The following FBP1 variants were observed in gnomAD, a reference collection of about 807,000 sequenced individuals.
FBP1 encodes fructose-bisphosphatase 1, also known as fructose-1,6-bisphosphatase 1.
FBP1 carries 22 observed loss-of-function variants against 29.9 expected under a neutral mutation model. The ratio of observed to expected loss-of-function variants is 0.74; its 90% CI spans 0.53 to 1.05. FBP1 has a LOEUF of 1.05. Ranked by LOEUF, FBP1 falls within the 50% of genes least tolerant of loss-of-function variation. The pLI is 0.00. For missense variants in FBP1, 345 were observed against 448.2 expected, an observed-to-expected ratio of 0.77 and a Z score of 2.08; for synonymous variants, 175 against 178.6, an observed-to-expected ratio of 0.98 and a Z score of 0.16.
intron 6 of FBP1, chr9:94,603,938 C>T (rs1226058100): frequency 2.9e-6 from 1 of 343,080 alleles, no homozygotes; most frequent in East Asian, 7.3e-5. Context: ...TTGGATGGAG[C>T]TTCGCCTATT....
intron 3 of FBP1, among the ~76,000 whole-genome samples, chr9:94,611,207 A>T (rs1827779775): frequency 6.6e-6 from 1 of 152,188 alleles, no homozygotes; most frequent in Non-Finnish European, 1.5e-5. Flanking sequence ...GGTCATCAAG[A>T]CAGCCCCAAA....
chr9:94,625,712 G>A (rs963444678), intron 1 of FBP1, among the ~76,000 whole-genome samples: 2 of 152,230 alleles, frequency 1.3e-5, no homozygotes, highest in African/African-American at 4.8e-5. Context: ...GGAGAAAGGC[G>A]TGAACCCGGG....
chr9:94,605,535 C>G lies in FBP1; in HGVS notation c.747G>C (p.Met249Ile). 1.2e-6 allele frequency: 2 copies of G among 1,613,696 alleles called. No individual in the cohort carries two copies. The highest frequency in any genetic ancestry group is 1.7e-6 in the Non-Finnish European group (2 of 1,179,698). ...APYGARYVGS[M>I]VADVHRTLVY... ...CCAGAGTGCGATGAACATCAGCCAC[C>G]ATGGAGCCCACATACCGGGCCCCAT... Residue 249 changes from methionine to isoleucine, a missense_variant, in exon 6 of 7, where the codon ATG becomes ATC. Physicochemically the swap from Met to Ile is conservative, Grantham distance 10 (BLOSUM62 1). Coordinates refer to ENST00000375326, the MANE Select transcript of FBP1 (RefSeq NM_000507.4).
intron 4 of FBP1, among the ~76,000 whole-genome samples, chr9:94,607,394 T>C (rs1289767754): frequency 6.6e-6 from 1 of 152,218 alleles, no homozygotes; most frequent in Non-Finnish European, 1.5e-5. Context: ...GATCAGTCCC[T>C]GAGTTACACC....
chr9:94,617,349 C>T (rs1411072240), intron 3 of FBP1, among the ~76,000 whole-genome samples: 4 of 152,220 alleles, frequency 2.6e-5, no homozygotes, highest in Non-Finnish European at 5.9e-5. Flanking sequence ...ACAGGCTGGA[C>T]TCAGCCCGGG....
intron 1 of FBP1, among the ~76,000 whole-genome samples, chr9:94,627,469 C>T (rs1828042698): frequency 6.6e-6 from 1 of 152,204 alleles, no homozygotes; most frequent in African/African-American, 2.4e-5. Flanking sequence ...CAATCACCAC[C>T]TAGAGAGGGC....
Position 94,625,085 on chromosome 9 carries a change from A to T in FBP1, c.171-4594T>A, listed in dbSNP as rs151045118. ...GCTATTTCCTCATGCAGTGGACTGC[A>T]TTTTCCGAGCTTGCAGACTCAGCAG... On this transcript the variant is annotated intron_variant, in intron 1 of 6. Transcript: ENST00000375326. Among the ~76,000 whole-genome samples the T allele has an allele frequency of 3.1e-3, 469 of 150,708 alleles. 5 individuals are homozygous for T. Among genetic ancestry groups the T allele is most frequent in the African/African-American group, 0.011 (442 of 41,452 alleles).
chr9:94,620,747 A>C (rs1247454729), intron 1 of FBP1, among the ~76,000 whole-genome samples: 1 of 152,174 alleles, frequency 6.6e-6, no homozygotes, highest in African/African-American at 2.4e-5. Context: ...GGAACATCAC[A>C]CACTGGGGCC....
intron 1 of FBP1, among the ~76,000 whole-genome samples, chr9:94,635,109 AAC>A (rs1563989818): frequency 1.3e-5 from 2 of 151,062 alleles, no homozygotes; most frequent in African/African-American, 4.9e-5. Context: ...AAAAAAAAAA[AAC>A]CAGTTAACTA....
rs546760787 is a variant in FBP1, at chr9:94,608,043, A to G, written c.568-1091T>C. On this transcript the variant is annotated intron_variant, in intron 4 of 6. Transcript: ENST00000375326. ...ATAAATGTCTTTCAAAAAACTATAT[A>G]GAAAAGAAAGCCATCTCACAACAGT... 1.2e-4 allele frequency among the ~76,000 whole-genome samples: 19 copies of G among 152,344 alleles called. No homozygotes were observed. The Middle Eastern group carries it at 0.01, about 82-fold the overall frequency.
chr9:94,617,089 G>A (rs1031012633), intron 3 of FBP1, among the ~76,000 whole-genome samples: 26 of 152,142 alleles, frequency 1.7e-4, no homozygotes, highest in Non-Finnish European at 2.6e-4. Context: ...TCTACAGACA[G>A]ACAGATAGTA....
chr9:94,634,559 G>T (rs1828162762), intron 1 of FBP1, among the ~76,000 whole-genome samples: 1 of 152,176 alleles, frequency 6.6e-6, no homozygotes. Flanking sequence ...TCTCCCAAAG[G>T]AATGCAAAGT....
chr9:94,621,772 C>T (rs377396674), intron 1 of FBP1, among the ~76,000 whole-genome samples: 105 of 152,162 alleles, frequency 6.9e-4, no homozygotes, highest in East Asian at 2.9e-3. Flanking sequence ...ACGGGTTAAA[C>T]GAATCAATAG....
intron 5 of FBP1, 130 bp from the exon 6 acceptor site, chr9:94,605,706 C>A: frequency 1.1e-6 from 1 of 876,550 alleles, no homozygotes; most frequent in South Asian, 1.5e-5. Context: ...TGGGGCTGTG[C>A]TAAAAAATGT....
chr9:94,621,899 C>T (rs1048941512), intron 1 of FBP1, among the ~76,000 whole-genome samples: 23 of 152,098 alleles, frequency 1.5e-4, no homozygotes, highest in African/African-American at 5.6e-4. Context: ...ATCAACCGGC[C>T]CCTCTGCCTC....
rs374300205 is a variant in FBP1, at chr9:94,611,697, G to A, written c.427-1636C>T. ...GAACCTGGGAGGTCGAGGCTGCAGT[G>A]AGCCATTATCATTCCACTGCACATG... On this transcript the variant is annotated intron_variant, in intron 3 of 6. Transcript: ENST00000375326. Among the ~76,000 whole-genome samples, 4 of 152,270 alleles carry A rather than the reference G, an allele frequency of 2.6e-5. No homozygotes were observed. In the East Asian group the frequency reaches 5.8e-4, roughly 22 times the overall value.
At chr9:94,616,904 C>A (rs978076205) in intron 3 of FBP1, among the ~76,000 whole-genome samples, 10 of 142,196 alleles carry the variant, frequency 7.0e-5, no homozygotes, top group Admixed American at 4.8e-4. Flanking sequence ...CTCCTCCTCC[C>A]TCTCCTCTCT....
At chr9:94,630,782 C>G (rs925256513) in intron 1 of FBP1, among the ~76,000 whole-genome samples, 1 of 152,182 alleles carries the variant, frequency 6.6e-6, no homozygotes, top group African/African-American at 2.4e-5. Flanking sequence ...TTGCTTCTTA[C>G]TGATGATGTG....
intron 1 of FBP1, among the ~76,000 whole-genome samples, chr9:94,623,888 G>T (rs1827983329): frequency 6.6e-6 from 1 of 152,172 alleles, no homozygotes. Context: ...GAATGAAAAA[G>T]ATATGTCAGA....
Sources: allele counts gnomAD v4.1 joint callset (sites outside exome capture counted in the v4.1 genomes callset), GRCh38; gene constraint gnomAD v4.1.1; transcripts MANE v1.5; gene names NCBI Gene and HGNC (gene_info 2026-07-23, HGNC 2026-07-21).